Variants in CSPG5 observed in about 807,000 individuals in gnomAD.
CSPG5 encodes the protein chondroitin sulfate proteoglycan 5.
Under a neutral mutation model 39.8 loss-of-function variants are expected in CSPG5, and 25 were observed. The ratio of observed to expected loss-of-function variants is 0.63; its 90% CI spans 0.46 to 0.88. The LOEUF (loss-of-function observed/expected upper bound fraction) is 0.88. CSPG5 is among the 40% of genes least tolerant of loss of function. CSPG5 has a pLI of 0.00. For missense variants in CSPG5, 627 were observed against 702.2 expected, an observed-to-expected ratio of 0.89 and a Z score of 1.21; for synonymous variants, 295 against 303.9, an observed-to-expected ratio of 0.97 and a Z score of 0.31.
rs1216028596 is a variant in CSPG5, at chr3:47,562,574, C to T, written c.*26G>A. The T allele has an allele frequency of 6.3e-7, 1 of 1,597,978 alleles. No individual in the cohort carries two copies. Among genetic ancestry groups the T allele is most frequent in the East Asian group, 2.2e-5 (1 of 44,502 alleles). On this transcript the variant is annotated 3_prime_UTR_variant, in exon 5 of 5. Coordinates refer to ENST00000264723, the MANE Select transcript of CSPG5 (RefSeq NM_006574.4). ...CTTCCCCTACCCCCCACCCACTACC[C>T]CCGCTTCCTCTCTTCTTGCTCTGCT...
At position 47,578,344 on chromosome 3, in the gene CSPG5, G is replaced by GGCC. The variant is rs1368626142; in HGVS notation, c.97+250_97+252dup. Among the ~76,000 whole-genome samples the GGCC allele has an allele frequency of 2.2e-4, 1 of 4,490 alleles. No individual in the cohort carries two copies. The highest frequency in any genetic ancestry group is 5.6e-4 in the Non-Finnish European group (1 of 1,800). The allele number at this position is 4,490 out of a possible 152,430, so 2.9% of individuals were successfully genotyped here. On this transcript the variant is annotated intron_variant, in intron 1 of 4. Coordinates refer to ENST00000264723, the MANE Select transcript of CSPG5 (RefSeq NM_006574.4). This position sits in a 1 kb window ranked among gnomAD's most constrained non-coding sequence, Gnocchi z 6.0. ...CCGGCCCCGCCCCGGCCCCGCCCCC[G>GGCC]GCCCCGCCCCCAGTCCGCACCGCGG...
rs1390121678 is a variant in CSPG5 at position 47,578,052 on chromosome 3, ACCCCAC to A, written c.98-130_98-125del. On this transcript the variant is annotated intron_variant, in intron 1 of 4. Coordinates refer to ENST00000264723, the MANE Select transcript of CSPG5 (RefSeq NM_006574.4). This position sits in a 1 kb window ranked among gnomAD's most constrained non-coding sequence, Gnocchi z 6.0. Reference sequence around the variant, plus strand: ...TCAACCCAGACCTCGCCACCCTCAGACCCCACCGCCCCAGTGTGACCCCAGCCACCC... The same window carrying A: ...TCAACCCAGACCTCGCCACCCTCAGACGCCCCAGTGTGACCCCAGCCACCC... The A allele has an allele frequency of 7.7e-7, 1 of 1,292,526 alleles. No individual in the cohort carries two copies. The highest frequency in any genetic ancestry group is 3.2e-5 in the East Asian group (1 of 31,686). The allele number at this position is 1,292,526 out of a possible 1,614,324, so 80.1% of individuals were successfully genotyped here. A position where few individuals can be genotyped will look rare whatever the true frequency, so the allele number is the denominator to read the frequency against.
chr3:47,562,750 A>G lies in CSPG5; in HGVS notation c.1470T>C (p.Ser490=), dbSNP rs1340268989. The change falls in exon 5 of 5, where the codon AGT becomes AGC. Residue 490 remains serine, a synonymous_variant. Coordinates refer to ENST00000264723, the MANE Select transcript of CSPG5 (RefSeq NM_006574.4). ...AEGSHPNDDP[S]APHKIQEVLK... ...GAACCTCCTGGATTTTGTGGGGAGC[A>G]CTAGGATCATCCTGGAAGAGGGAAA... The G allele has an allele frequency of 6.2e-7, 1 of 1,610,146 alleles. No homozygotes were observed. Among genetic ancestry groups the G allele is most frequent in the African/African-American group, 1.3e-5 (1 of 74,814 alleles).
At chr3:47,567,334 C>T (rs1282509246) in intron 4 of CSPG5, among the ~76,000 whole-genome samples, 1 of 152,162 alleles carries the variant, frequency 6.6e-6, no homozygotes, top group Non-Finnish European at 1.5e-5. Context: ...TAGTATTCAG[C>T]AAGTGGTAAC....
chr3:47,563,705 G>A (rs992197555), intron 4 of CSPG5, among the ~76,000 whole-genome samples: 4 of 152,022 alleles, frequency 2.6e-5, no homozygotes, highest in South Asian at 2.1e-4. Context: ...ATAGGCGCTC[G>A]TGACCATGCC....
chr3:47,576,715 C>G (rs1203533462), intron 2 of CSPG5, 118 bp downstream of exon 2: 3 of 1,193,134 alleles, frequency 2.5e-6, no homozygotes, highest in Non-Finnish European at 3.5e-6. Flanking sequence ...CTGCCTCAGC[C>G]TCCCAAAGTG....
Position 47,577,103 on chromosome 3 carries a change from C to A in CSPG5, c.923G>T (p.Gly308Val), listed in dbSNP as rs201571337. Residue 308 changes from glycine (G) to valine (V), a missense_variant, in exon 2 of 5, where the codon GGT becomes GTT. Physicochemically the swap from Gly to Val is moderately radical, Grantham distance 109. Coordinates refer to ENST00000264723, the MANE Select transcript of CSPG5 (RefSeq NM_006574.4). The surrounding 1 kb of genome is among the most constrained non-coding windows in gnomAD (Gnocchi z 4.7). ...NELLVPTGKPGLGPGTGQPTS... is the reference protein window; with the variant it reads ...NELLVPTGKPVLGPGTGQPTS... ...GGGCTGGCCTGTCCCGGGCCCCAGA[C>A]CAGGCTTCCCAGTGGGCACTAGAAG... is the stretch of plus-strand genomic sequence containing the variant. The A allele has an allele frequency of 6.2e-7, 1 of 1,613,892 alleles. No homozygotes were observed. Among genetic ancestry groups the A allele is most frequent in the East Asian group, 2.2e-5 (1 of 44,876 alleles).
rs1170073314 is a variant in CSPG5 at position 47,562,613 on chromosome 3, T to C, written c.1607A>G (p.Asn536Ser). The C allele has an allele frequency of 3.7e-6, 6 of 1,613,540 alleles. No individual in the cohort carries two copies. The highest frequency in any genetic ancestry group is 5.1e-6 in the Non-Finnish European group (6 of 1,179,848). Reference protein sequence around the residue: ...QADLDVNCLQNNLT With the variant: ...QADLDVNCLQSNLT ...TCTTGCTCTGCTTTAGGTTAAATTA[T>C]TCTGAAGACAGTTCACATCCAAGTC... The change falls in exon 5 of 5, where the codon AAT (asparagine) becomes AGT (serine). Residue 536 changes from asparagine to serine, a missense_variant. Physicochemically the swap from Asn to Ser is conservative, Grantham distance 46. Coordinates refer to ENST00000264723, the MANE Select transcript of CSPG5 (RefSeq NM_006574.4).
At chr3:47,567,423 G>A (rs1269024314) in intron 4 of CSPG5, among the ~76,000 whole-genome samples, 21 of 151,970 alleles carry the variant, frequency 1.4e-4, no homozygotes, top group Non-Finnish European at 2.9e-4. Flanking sequence ...GATGAACATG[G>A]TGACCAATTT....
rs149998914 is a variant in CSPG5, at chr3:47,572,793, G to A, written c.1275C>T (p.Ala425=). 23 of 1,614,030 alleles carry A rather than the reference G, an allele frequency of 1.4e-5. No homozygotes were observed. In the African/African-American group the frequency reaches 1.7e-4, roughly 12 times the overall value. The change falls in exon 3 of 5, where the codon GCC becomes GCT. Residue 425 remains alanine (A), a synonymous_variant. Transcript: ENST00000264723. The surrounding 1 kb of genome is among the most constrained non-coding windows in gnomAD (Gnocchi z 4.5). The part of the protein sequence containing the change: ...IITDFQVMCV[A]VGSAALVLLL... ...GCAGGACGAGGGCAGCCGAGCCCAC[G>A]GCCACGCACATCACCTGGAAGTCGG...
At chr3:47,569,329 C>T (rs560305302) in intron 3 of CSPG5, 102 bp from the exon 4 acceptor site, 24 of 1,217,716 alleles carry the variant, frequency 2.0e-5, no homozygotes, top group East Asian at 1.0e-4. Context: ...TTCGGCTGGG[C>T]GTGGTGGCTC....
chr3:47,565,615 G>A (rs141762413), intron 4 of CSPG5, among the ~76,000 whole-genome samples: 21 of 152,052 alleles, frequency 1.4e-4, no homozygotes, highest in African/African-American at 4.3e-4. Context: ...GGAAGAGGGT[G>A]GGCAGTCAGT....
Position 47,578,690 on chromosome 3 carries a change from C to T in CSPG5, c.4G>A (p.Gly2Arg). Reference sequence around the variant, plus strand: ...CCCGGGCCCCCGCCCCCGGCTCGCCCCATGGCGCGGCGCCCCGACCGCTGT... The same window carrying T: ...CCCGGGCCCCCGCCCCCGGCTCGCCTCATGGCGCGGCGCCCCGACCGCTGT... M[G>R]RAGGGGPGRG... The change falls in exon 1 of 5, where the codon GGG (glycine) becomes AGG (arginine). Residue 2 changes from glycine (G) to arginine (R), a missense_variant. Transcript: ENST00000264723. The surrounding 1 kb of genome is among the most constrained non-coding windows in gnomAD (Gnocchi z 6.0). The T allele has an allele frequency of 9.9e-7, 1 of 1,010,654 alleles. No homozygotes were observed. The allele number at this position is 1,010,654 out of a possible 1,614,324, so 62.6% of individuals were successfully genotyped here.
chr3:47,568,936 C>T (rs1201719804), intron 4 of CSPG5: 59 of 659,276 alleles, frequency 8.9e-5, no homozygotes, highest in Non-Finnish European at 1.3e-4. Context: ...CTTATTCCCA[C>T]CTTTGCTGCC....
chr3:47,576,461 G>GTTT (rs397769662), intron 2 of CSPG5, among the ~76,000 whole-genome samples: 3 of 135,314 alleles, frequency 2.2e-5, no homozygotes, highest in Admixed American at 7.4e-5. Context: ...GTTTTGTTTT[G>GTTT]TTTTTTTTTT....
intron 4 of CSPG5, among the ~76,000 whole-genome samples, chr3:47,564,180 A>G (rs2031201134): frequency 1.3e-5 from 2 of 152,176 alleles, no homozygotes; most frequent in African/African-American, 4.8e-5. Context: ...ACCAAAATTC[A>G]AGATTACCAT....
chr3:47,577,791 C>T lies in CSPG5; in HGVS notation c.235G>A (p.Gly79Ser), dbSNP rs1367023682. Reference protein sequence around the residue: ...GEDEASWTAPGGELAGPEEVL... With the variant: ...GEDEASWTAPSGELAGPEEVL... ...TCTTCTGGCCCGGCCAGCTCGCCAC[C>T]GGGCGCCGTCCACGACGCCTCATCT... The change falls in exon 2 of 5, where the codon GGT (glycine) becomes AGT (serine). Residue 79 changes from glycine to serine, a missense_variant. Coordinates refer to ENST00000264723, the MANE Select transcript of CSPG5 (RefSeq NM_006574.4). The surrounding 1 kb of genome is among the most constrained non-coding windows in gnomAD (Gnocchi z 4.7). 3 of 1,584,910 alleles carry T rather than the reference C, an allele frequency of 1.9e-6. No individual in the cohort carries two copies. The South Asian group carries it at 3.3e-5, about 18-fold the overall frequency.
intron 3 of CSPG5, among the ~76,000 whole-genome samples, chr3:47,570,259 T>A (rs112056267): frequency 1.7e-4 from 22 of 131,988 alleles, no homozygotes; most frequent in African/African-American, 5.9e-4. Context: ...TTCCAGATTA[T>A]CTTAAAACAA....
At chr3:47,566,818 G>A (rs1482024081) in intron 4 of CSPG5, among the ~76,000 whole-genome samples, 2 of 152,164 alleles carry the variant, frequency 1.3e-5, no homozygotes, top group African/African-American at 2.4e-5. Flanking sequence ...AGCCCACTAT[G>A]GCCGACCAGC....
Sources: allele counts gnomAD v4.1 joint callset (sites outside exome capture counted in the v4.1 genomes callset), GRCh38; gene constraint gnomAD v4.1.1; non-coding constraint Gnocchi (gnomAD v3.1); transcripts MANE v1.5; gene names NCBI Gene and HGNC (gene_info 2026-07-23, HGNC 2026-07-21).